TRIM33: variants seen among roughly 807,000 people sequenced by gnomAD.
The protein encoded by TRIM33 is E3 ubiquitin-protein ligase TRIM33.
Under a neutral mutation model 125.4 loss-of-function variants are expected in TRIM33, and 20 were observed. That is an observed-to-expected ratio of 0.16 (90% confidence interval 0.11 to 0.23). TRIM33 has a LOEUF of 0.23. Ranked by LOEUF, TRIM33 falls within the 10% of genes least tolerant of loss-of-function variation. TRIM33 has a pLI of 1.00. For synonymous variants in TRIM33, 564 were observed against 513.9 expected (o/e 1.10, Z -1.32); for missense variants, 920 against 1,411.4 (o/e 0.65, Z 5.58).
intron 13 of TRIM33, among the ~76,000 whole-genome samples, chr1:114,408,127 C>T (rs1557845607): frequency 6.8e-6 from 1 of 147,464 alleles, no homozygotes; most frequent in African/African-American, 2.4e-5. Flanking sequence ...GACCTAAATA[C>T]CAAAATAGAC....
chr1:114,454,937 C>T (rs942396556), intron 4 of TRIM33, among the ~76,000 whole-genome samples: 1 of 152,026 alleles, frequency 6.6e-6, no homozygotes, highest in Admixed American at 6.6e-5. Context: ...CTACTGAAAC[C>T]AGGGATTATA....
chr1:114,504,884 C>A (rs1652907765), intron 1 of TRIM33, among the ~76,000 whole-genome samples: 1 of 152,080 alleles, frequency 6.6e-6, no homozygotes, highest in Non-Finnish European at 1.5e-5. Flanking sequence ...ATCAGAAAAG[C>A]CTTTAAAACC....
At chr1:114,480,186 C>G (rs1651229321) in intron 1 of TRIM33, among the ~76,000 whole-genome samples, 1 of 152,144 alleles carries the variant, frequency 6.6e-6, no homozygotes, top group South Asian at 2.1e-4. Context: ...TGCCCCCAAC[C>G]CTGTGCTCTC....
In TRIM33 at chr1:114,403,515, C is replaced by T. The variant is rs945795651; in HGVS notation, c.2769-632G>A. The stretch of plus-strand genomic sequence containing the variant: ...CCTCCCTAGGAGCTGGGATTACAGG[C>T]GTGCACCATCATGACCGGCAGATTT... On this transcript the variant is annotated intron_variant, in intron 15 of 19. Coordinates refer to ENST00000358465, the MANE Select transcript of TRIM33 (RefSeq NM_015906.4). 4.6e-5 allele frequency among the ~76,000 whole-genome samples: 7 copies of T among 151,838 alleles called. No individual in the cohort carries two copies. In the East Asian group the frequency reaches 7.8e-4, roughly 17 times the overall value.
chr1:114,466,497 T>C (rs943264838), intron 1 of TRIM33, among the ~76,000 whole-genome samples: 1 of 152,008 alleles, frequency 6.6e-6, no homozygotes, highest in African/African-American at 2.4e-5. Context: ...CTGGTAAGAG[T>C]ACTTTTGTAT....
intron 13 of TRIM33, 23 bp from the exon 14 acceptor site, chr1:114,407,123 G>A: frequency 1.3e-6 from 2 of 1,597,516 alleles, no homozygotes; most frequent in Non-Finnish European, 8.5e-7. Context: ...AACAAATAAA[G>A]ATCACATACG....
chr1:114,465,338 C>T (rs1650226392), intron 1 of TRIM33, among the ~76,000 whole-genome samples: 1 of 152,156 alleles, frequency 6.6e-6, no homozygotes, highest in Non-Finnish European at 1.5e-5. Flanking sequence ...ATGACACAAT[C>T]CACACCTTCA....
At chr1:114,448,252 T>A (rs1433049675) in intron 4 of TRIM33, among the ~76,000 whole-genome samples, 3 of 152,110 alleles carry the variant, frequency 2.0e-5, no homozygotes, top group Non-Finnish European at 4.4e-5. Flanking sequence ...ATAACAGAAA[T>A]GTAGAAATAT....
intron 4 of TRIM33, among the ~76,000 whole-genome samples, chr1:114,456,060 A>G (rs1194479229): frequency 6.6e-6 from 1 of 152,232 alleles, no homozygotes; most frequent in African/African-American, 2.4e-5. Flanking sequence ...AATGGGATTA[A>G]GGTAAACATT....
At chr1:114,414,068 C>CGT (rs1557849718) in intron 11 of TRIM33, among the ~76,000 whole-genome samples, 3 of 149,958 alleles carry the variant, frequency 2.0e-5, no homozygotes, top group Non-Finnish European at 4.5e-5. Context: ...CACACACACA[C>CGT]ACGTTTTTAA....
intron 1 of TRIM33, chr1:114,468,497 T>G (rs546549595): frequency 5.2e-6 from 2 of 381,750 alleles, no homozygotes; most frequent in African/African-American, 4.4e-5. Context: ...AAGAGAACAG[T>G]AGGGAAAAAG....
intron 1 of TRIM33, among the ~76,000 whole-genome samples, chr1:114,498,510 G>T (rs1192094373): frequency 6.6e-6 from 1 of 152,110 alleles, no homozygotes; most frequent in African/African-American, 2.4e-5. Context: ...TTAGCCAGGT[G>T]TGGTGGCATG....
At chr1:114,482,080 T>C (rs985349096) in intron 1 of TRIM33, among the ~76,000 whole-genome samples, 3 of 152,186 alleles carry the variant, frequency 2.0e-5, no homozygotes, top group African/African-American at 4.8e-5. Context: ...CAAAATGTTC[T>C]ATATCTGCAC....
chr1:114,468,425 G>A (rs991633295), intron 1 of TRIM33: 9 of 361,574 alleles, frequency 2.5e-5, no homozygotes, highest in Non-Finnish European at 3.3e-5. Flanking sequence ...AGGAGACCCA[G>A]CCCTTAGAAA....
chr1:114,403,225 TGAA>T (rs748829477), intron 15 of TRIM33, among the ~76,000 whole-genome samples: 2 of 152,228 alleles, frequency 1.3e-5, no homozygotes, highest in African/African-American at 2.4e-5. Flanking sequence ...CAGTTATTTA[TGAA>T]GAAGAAGAGC....
chr1:114,450,907 A>C (rs1266962075), intron 4 of TRIM33, among the ~76,000 whole-genome samples: 1 of 152,184 alleles, frequency 6.6e-6, no homozygotes, highest in African/African-American at 2.4e-5. Flanking sequence ...TAATTTCCCA[A>C]CATTTGTTTT....
intron 10 of TRIM33, 105 bp downstream of exon 10, chr1:114,424,485 CA>C (rs1647422351): frequency 3.1e-6 from 3 of 973,736 alleles, no homozygotes; most frequent in Non-Finnish European, 2.9e-6. Context: ...CAGCATTAAT[CA>C]AATTCTCAAA....
intron 4 of TRIM33, among the ~76,000 whole-genome samples, chr1:114,448,142 G>A (rs1649099163): frequency 6.6e-6 from 1 of 152,156 alleles, no homozygotes; most frequent in Non-Finnish European, 1.5e-5. Context: ...CAGAAAGAAG[G>A]GCAAATTTCT....
At chr1:114,422,230 T>C (rs1454041217) in intron 10 of TRIM33, among the ~76,000 whole-genome samples, 4 of 152,172 alleles carry the variant, frequency 2.6e-5, no homozygotes, top group Admixed American at 2.6e-4. Flanking sequence ...ATTCTACACA[T>C]ATAAATAAAT....
Sources: allele counts gnomAD v4.1 joint callset (sites outside exome capture counted in the v4.1 genomes callset), GRCh38; gene constraint gnomAD v4.1.1; transcripts MANE v1.5; gene names NCBI Gene and HGNC (gene_info 2026-07-23, HGNC 2026-07-21).